The following EML1 variants were observed in gnomAD, a reference collection of about 807,000 sequenced individuals.
EML1 encodes the protein echinoderm microtubule-associated protein-like 1.
A neutral mutation model predicts 110.4 loss-of-function variants in EML1; 27 were observed. That is an observed-to-expected ratio of 0.24 (90% CI 0.18 to 0.34). The LOEUF (loss-of-function observed/expected upper bound fraction) is 0.34, where lower values mean the gene tolerates loss of function less well. Among genes scored for constraint, EML1 ranks in the 10% least tolerant of loss-of-function variants. EML1 has a pLI of 1.00. For synonymous variants in EML1, 344 were observed against 385.8 expected (o/e 0.89, Z 1.27); for missense variants, 741 against 1,030.9 (o/e 0.72, Z 3.85).
intron 3 of EML1, among the ~76,000 whole-genome samples, chr14:99,877,034 G>T (rs2059304327): frequency 6.6e-6 from 1 of 152,132 alleles, no homozygotes; most frequent in Non-Finnish European, 1.5e-5. Flanking sequence ...GTGAGTTTGG[G>T]TTGCTGTAAC....
chr14:99,813,974 C>T (rs185613120), intron 1 of EML1, among the ~76,000 whole-genome samples: 42 of 152,146 alleles, frequency 2.8e-4, no homozygotes, highest in Admixed American at 1.3e-3. Context: ...TCTTAGCAGA[C>T]GAAGGCCAGC....
intron 9 of EML1, among the ~76,000 whole-genome samples, chr14:99,906,336 A>T (rs1355453572): frequency 6.6e-6 from 1 of 152,226 alleles, no homozygotes; most frequent in Non-Finnish European, 1.5e-5. Context: ...TACTCCATAG[A>T]CAGAGCAGCC....
intron 1 of EML1, among the ~76,000 whole-genome samples, chr14:99,840,420 G>A (rs889775620): frequency 6.6e-6 from 1 of 152,196 alleles, no homozygotes; most frequent in Non-Finnish European, 1.5e-5. Context: ...TGCAACCTTA[G>A]GCAAGGTGGA....
intron 1 of EML1, among the ~76,000 whole-genome samples, chr14:99,840,934 C>T (rs985224767): frequency 3.9e-5 from 6 of 152,082 alleles, no homozygotes; most frequent in Non-Finnish European, 5.9e-5. Flanking sequence ...TACATGAGGA[C>T]CTATGGTAAA....
intron 1 of EML1, among the ~76,000 whole-genome samples, chr14:99,763,653 G>A (rs912462352): frequency 5.3e-5 from 8 of 152,146 alleles, no homozygotes; most frequent in Admixed American, 1.3e-4. Context: ...TGTGGTCTTC[G>A]TGTTATTGTC....
At chr14:99,892,277 CAG>C in intron 5 of EML1, 1 of 838,618 alleles carries the variant, frequency 1.2e-6, no homozygotes. Flanking sequence ...TACAGGCAAA[CAG>C]ATGCTCTCCT....
intron 17 of EML1, among the ~76,000 whole-genome samples, chr14:99,928,228 T>A (rs1595497732): frequency 2.1e-5 from 2 of 94,952 alleles, no homozygotes; most frequent in Admixed American, 1.1e-4. Flanking sequence ...GTGGTGGTGG[T>A]GGTGGTGGTG....
At chr14:99,872,368 G>A (rs767821936) in intron 3 of EML1, among the ~76,000 whole-genome samples, 9 of 152,178 alleles carry the variant, frequency 5.9e-5, no homozygotes, top group Middle Eastern at 3.2e-3. Flanking sequence ...AGTAGCCATC[G>A]TGTTATATCT....
chr14:99,934,469 G>A (rs2060431727), intron 17 of EML1, among the ~76,000 whole-genome samples: 1 of 152,242 alleles, frequency 6.6e-6, no homozygotes, highest in Non-Finnish European at 1.5e-5. Flanking sequence ...GGCCACCCTG[G>A]GTCCTGCAGG....
rs2060475733 is a variant in EML1 at position 99,936,588 on chromosome 14, C to A, written c.2095+254C>A. Reference sequence around the variant, plus strand: ...CTGCCCCAAGGGGAAGAAGGCCAAGCCCTGCAGAGGGGGGCTTGGGGCAGG... The same window carrying A: ...CTGCCCCAAGGGGAAGAAGGCCAAGACCTGCAGAGGGGGGCTTGGGGCAGG... On this transcript the variant is annotated intron_variant, in intron 19 of 21. Coordinates refer to ENST00000262233, the MANE Select transcript of EML1 (RefSeq NM_004434.3). This position sits in a 1 kb window ranked among gnomAD's most constrained non-coding sequence, Gnocchi z 5.5. Among the ~76,000 whole-genome samples the A allele has an allele frequency of 6.6e-6, 1 of 152,146 alleles. No homozygotes were observed. The highest frequency in any genetic ancestry group is 2.4e-5 in the African/African-American group (1 of 41,446).
chr14:99,909,780 G>T (rs144975992), intron 11 of EML1, among the ~76,000 whole-genome samples: 1 of 152,194 alleles, frequency 6.6e-6, no homozygotes, highest in Non-Finnish European at 1.5e-5. Flanking sequence ...CTTTGCAAAA[G>T]ACATTAGAGA....
rs916590263 is a variant in EML1, at chr14:99,914,406, C to T, written c.1620+102C>T. On this transcript the variant is annotated intron_variant, in intron 14 of 21. Transcript: ENST00000262233. ...GGTGCTTTATACTACGATAACCTTC[C>T]TCCACCCCAGAGTGTCTGTGGCTGC... The T allele has an allele frequency of 3.2e-6, 5 of 1,546,786 alleles. No homozygotes were observed. In the Admixed American group the frequency reaches 7.6e-5, roughly 23 times the overall value.
intron 1 of EML1, among the ~76,000 whole-genome samples, chr14:99,796,570 C>G (rs2057778373): frequency 6.7e-6 from 1 of 149,776 alleles, no homozygotes; most frequent in South Asian, 2.1e-4. Flanking sequence ...CAGCTCACTG[C>G]AGACTCAAAC....
chr14:99,791,529 T>C (rs73354530), upstream of EML1, among the ~76,000 whole-genome samples: 18,137 of 152,156 alleles, frequency 0.12, 1,980 homozygotes, highest in African/African-American at 0.29. Flanking sequence ...CAAATCTCAA[T>C]TCTTTCTCTC....
At chr14:99,778,040 T>C (rs2057501978) in intron 1 of EML1, among the ~76,000 whole-genome samples, 1 of 152,162 alleles carries the variant, frequency 6.6e-6, no homozygotes, top group Non-Finnish European at 1.5e-5. Context: ...CTGCCTCAGC[T>C]TCGTGAAGTG....
chr14:99,874,271 T>C (rs2059252451), intron 3 of EML1, among the ~76,000 whole-genome samples: 1 of 152,214 alleles, frequency 6.6e-6, no homozygotes, highest in Non-Finnish European at 1.5e-5. Flanking sequence ...AACCATTTAT[T>C]TTCATAACTT....
At chr14:99,779,298 A>G (rs2057514699) in intron 1 of EML1, among the ~76,000 whole-genome samples, 1 of 152,044 alleles carries the variant, frequency 6.6e-6, no homozygotes, top group African/African-American at 2.4e-5. Flanking sequence ...TTGTATTTCT[A>G]CGGCCATATT....
At chr14:99,918,374 G>A (rs1295423502) in intron 16 of EML1, among the ~76,000 whole-genome samples, 1 of 152,202 alleles carries the variant, frequency 6.6e-6, no homozygotes, top group Non-Finnish European at 1.5e-5. Flanking sequence ...GAGATCACAG[G>A]CATGAGGCAC....
rs557751960 is a variant in EML1 at position 99,936,649 on chromosome 14, T to C, written c.2095+315T>C. 6.6e-6 allele frequency among the ~76,000 whole-genome samples: 1 copy of C among 152,028 alleles called. No homozygotes were observed. The highest frequency in any genetic ancestry group is 2.1e-4 in the South Asian group (1 of 4,806). The stretch of plus-strand genomic sequence containing the variant: ...AGAAGGGGGCGGGTCCGGGTGGATG[T>C]GGCCGAAGTGGGTGGGTCCGGAGCT... On this transcript the variant is annotated intron_variant, in intron 19 of 21. Transcript: ENST00000262233. The surrounding 1 kb of genome is among the most constrained non-coding windows in gnomAD (Gnocchi z 5.5).
Sources: allele counts gnomAD v4.1 joint callset (sites outside exome capture counted in the v4.1 genomes callset), GRCh38; gene constraint gnomAD v4.1.1; non-coding constraint Gnocchi (gnomAD v3.1); transcripts MANE v1.5; gene names NCBI Gene and HGNC (gene_info 2026-07-23, HGNC 2026-07-21).